RBFOX1: variants seen among roughly 807,000 people sequenced by gnomAD.
The protein encoded by RBFOX1 is RNA binding fox-1 homolog 1.
RBFOX1 carries 8 observed loss-of-function variants against 57.7 expected under a neutral mutation model. The observed-to-expected ratio is 0.14, with a 90% confidence interval of 0.08 to 0.25. The LOEUF (loss-of-function observed/expected upper bound fraction) is 0.25. RBFOX1 is among the 10% of genes least tolerant of loss of function. RBFOX1 has a pLI of 1.00. For synonymous variants in RBFOX1, 326 were observed against 222.4 expected, an observed-to-expected ratio of 1.47 and a Z score of -4.15; for missense variants, 611 against 548.5, an observed-to-expected ratio of 1.11 and a Z score of -1.14.
chr16:7,464,617 T>C (rs1167938342), intron 4 of RBFOX1, among the ~76,000 whole-genome samples: 1 of 151,852 alleles, frequency 6.6e-6, no homozygotes, highest in South Asian at 2.1e-4. Context: ...TGAGGCAATA[T>C]CTACAATGTC....
intron 4 of RBFOX1, among the ~76,000 whole-genome samples, chr16:7,429,442 T>C (rs1171267923): frequency 1.3e-5 from 2 of 152,260 alleles, no homozygotes; most frequent in Non-Finnish European, 2.9e-5. Context: ...AGCCAACTTT[T>C]ATTCTCTCTG....
chr16:7,546,014 T>TAAAAAA (rs71150312), intron 5 of RBFOX1, among the ~76,000 whole-genome samples: 2 of 134,142 alleles, frequency 1.5e-5, no homozygotes, highest in Non-Finnish European at 1.6e-5. Context: ...TCTGAGCTTA[T>TAAAAAA]AAAAAAAAAA....
At chr16:7,433,397 G>A (rs1197436949) in intron 4 of RBFOX1, among the ~76,000 whole-genome samples, 2 of 152,152 alleles carry the variant, frequency 1.3e-5, no homozygotes, top group East Asian at 3.9e-4. Context: ...TAGAGACATG[G>A]CATGGCCTTT....
chr16:5,561,220 A>G (rs2045879109), intron 2 of RBFOX1, among the ~76,000 whole-genome samples: 1 of 152,132 alleles, frequency 6.6e-6, no homozygotes, highest in Admixed American at 6.5e-5. Flanking sequence ...TTTCCAAGAA[A>G]TATGAGCAGA....
intron 1 of RBFOX1, among the ~76,000 whole-genome samples, chr16:6,125,418 C>G (rs1285522773): frequency 1.3e-5 from 2 of 152,132 alleles, no homozygotes; most frequent in East Asian, 1.9e-4. Context: ...GAGAGAGCAT[C>G]TTGTTTGTCT....
chr16:6,886,219 G>A (rs776471476), intron 3 of RBFOX1, among the ~76,000 whole-genome samples: 6 of 151,892 alleles, frequency 4.0e-5, no homozygotes, highest in African/African-American at 1.2e-4. Context: ...GTGCTACCAC[G>A]CTTAGCTAAT....
rs183739118 is a variant in RBFOX1, at chr16:6,432,013, G to C, written c.-64+114956G>C. 6.5e-4 allele frequency among the ~76,000 whole-genome samples: 98 copies of C among 150,226 alleles called. 1 individual carries two copies. The highest frequency in any genetic ancestry group is 3.5e-3 in the Middle Eastern group (1 of 288). ...GTCATATTCTATCACCAAGGCTGTA[G>C]TGCCACTGCACGACTATAGCTTATT... On this transcript the variant is annotated intron_variant, in intron 2 of 15. Transcript: ENST00000550418.
At chr16:7,270,651 A>G (rs2095295649) in intron 4 of RBFOX1, among the ~76,000 whole-genome samples, 1 of 152,212 alleles carries the variant, frequency 6.6e-6, no homozygotes, top group Non-Finnish European at 1.5e-5. Flanking sequence ...AGTTGCTATT[A>G]GACAAACCTC....
At chr16:5,902,962 T>C (rs1264229716) in intron 4 of RBFOX1, among the ~76,000 whole-genome samples, 1 of 152,116 alleles carries the variant, frequency 6.6e-6, no homozygotes, top group East Asian at 1.9e-4. Flanking sequence ...ACAGTTCTTA[T>C]CTCAGGTAAG....
In RBFOX1 at chr16:5,521,831, A is replaced by G. The variant is rs77332862; in HGVS notation, c.258+54577A>G. Among the ~76,000 whole-genome samples the G allele has an allele frequency of 2.1e-3, 325 of 152,310 alleles. 2 individuals are homozygous for G. The highest frequency in any genetic ancestry group is 7.6e-3 in the African/African-American group (314 of 41,560). On this transcript the variant is annotated intron_variant, in intron 2 of 2. Transcript: ENST00000585867. ...CATGTCTCTCACCCCGGAAGTTCAC[A>G]TGTTATTCCTCTTCATATCCCTAGC... is the stretch of plus-strand genomic sequence containing the variant.
At position 6,696,912 on chromosome 16, in the gene RBFOX1, C is replaced by G. The variant is rs564282230; in HGVS notation, c.-16+42262C>G. On this transcript the variant is annotated intron_variant, in intron 3 of 15. Transcript: ENST00000550418. ...TTAAGAAATGGAGATTGCTGTCTTGCAAAACCCCCAATATAAACTCCAGCA... is the reference window on the plus strand; with the variant it reads ...TTAAGAAATGGAGATTGCTGTCTTGGAAAACCCCCAATATAAACTCCAGCA... Among the ~76,000 whole-genome samples, 71 of 152,292 alleles carry G rather than the reference C, an allele frequency of 4.7e-4. 3 individuals carry two copies. The South Asian group carries it at 0.013, about 29-fold the overall frequency.
At chr16:6,001,917 G>T (rs1461708194) in intron 4 of RBFOX1, among the ~76,000 whole-genome samples, 2 of 150,962 alleles carry the variant, frequency 1.3e-5, no homozygotes, top group African/African-American at 4.9e-5. Context: ...CATGATTACT[G>T]TAGGGCTAGA....
intron 4 of RBFOX1, among the ~76,000 whole-genome samples, chr16:7,127,010 CAAAAAA>C (rs4035897): frequency 7.7e-6 from 1 of 129,202 alleles, no homozygotes; most frequent in Admixed American, 7.9e-5. Context: ...GAATCCGTCT[CAAAAAA>C]AAAAAAAAAA....
intron 4 of RBFOX1, among the ~76,000 whole-genome samples, chr16:7,061,092 A>T (rs1426777408): frequency 6.6e-6 from 1 of 151,976 alleles, no homozygotes; most frequent in Non-Finnish European, 1.5e-5. Flanking sequence ...TGCTTGCTTT[A>T]ATCTTACATA....
At chr16:6,676,041 T>G (rs2057586999) in intron 3 of RBFOX1, among the ~76,000 whole-genome samples, 1 of 151,660 alleles carries the variant, frequency 6.6e-6, no homozygotes, top group Non-Finnish European at 1.5e-5. Context: ...TCAAAAGGTT[T>G]AAAGGAAAAC....
intron 4 of RBFOX1, among the ~76,000 whole-genome samples, chr16:7,277,169 A>T (rs1322799497): frequency 6.6e-6 from 1 of 152,316 alleles, no homozygotes; most frequent in South Asian, 2.1e-4. Flanking sequence ...TTTCTTAAGA[A>T]ATGCAATTAA....
chr16:6,843,048 C>A (rs577933632), intron 3 of RBFOX1, among the ~76,000 whole-genome samples: 23 of 152,044 alleles, frequency 1.5e-4, no homozygotes, highest in African/African-American at 5.6e-4. Context: ...GTATGTGCCA[C>A]GTGTTCTTTA....
intron 4 of RBFOX1, among the ~76,000 whole-genome samples, chr16:5,957,878 C>T (rs1354328007): frequency 3.9e-5 from 6 of 152,108 alleles, no homozygotes; most frequent in African/African-American, 1.2e-4. Context: ...TAACTATAGT[C>T]ACCCTATTGT....
intron 1 of RBFOX1, among the ~76,000 whole-genome samples, chr16:5,251,688 T>C (rs974780837): frequency 6.6e-6 from 1 of 152,132 alleles, no homozygotes; most frequent in East Asian, 1.9e-4. Context: ...GGAATTCAAA[T>C]TGAATGGAAA....
Sources: allele counts gnomAD v4.1 joint callset (sites outside exome capture counted in the v4.1 genomes callset), GRCh38; gene constraint gnomAD v4.1.1; transcripts MANE v1.5; gene names NCBI Gene and HGNC (gene_info 2026-07-23, HGNC 2026-07-21).